GRIP1: variants seen among roughly 807,000 people sequenced by gnomAD.
GRIP1 encodes glutamate receptor interacting protein 1, also known as glutamate receptor-interacting protein 1.
A neutral mutation model predicts 129.9 loss-of-function variants in GRIP1; 45 were observed. That is an observed-to-expected ratio of 0.35 (90% CI 0.27 to 0.44). The LOEUF is 0.44. Ranked by LOEUF, GRIP1 falls within the 20% of genes least tolerant of loss-of-function variation. The pLI is 1.00. For missense variants in GRIP1, 1,196 were observed against 1,396.8 expected, an observed-to-expected ratio of 0.86 and a Z score of 2.29; for synonymous variants, 530 against 520.8, an observed-to-expected ratio of 1.02 and a Z score of -0.24.
intron 4 of GRIP1, among the ~76,000 whole-genome samples, chr12:66,534,462 T>C (rs978546997): frequency 6.6e-6 from 1 of 152,182 alleles, no homozygotes; most frequent in South Asian, 2.1e-4. Context: ...AATACTCAGA[T>C]CTTATGATGC....
intron 19 of GRIP1, among the ~76,000 whole-genome samples, chr12:66,383,026 G>T (rs1337278595): frequency 2.6e-5 from 4 of 152,284 alleles, no homozygotes; most frequent in South Asian, 2.1e-4. Flanking sequence ...GGTGGGCACA[G>T]TGGCTCATGC....
In GRIP1 at chr12:66,379,269, G is replaced by T. The variant is rs757302715; in HGVS notation, c.2621+11C>A. ...CATCTTGGATGAGGCAGCATTGGTT[G>T]AAAACCTTACCCACTGGCTGTGGAC... On this transcript the variant is annotated intron_variant, in intron 20 of 24. Coordinates refer to ENST00000359742, the MANE Select transcript of GRIP1 (RefSeq NM_001366722.1). 2.6e-5 allele frequency: 42 copies of T among 1,613,216 alleles called. No homozygotes were observed. The highest frequency in any genetic ancestry group is 3.6e-5 in the Non-Finnish European group (42 of 1,179,570).
rs778916076 is a variant in GRIP1, at chr12:66,529,917, G to A, written c.419-3C>T. Reference sequence around the variant, plus strand: ...AATAACACTTGATCCTTGCACAGCTGAATAAAGGAAAGAGAGAAGGAAATA... The same window carrying A: ...AATAACACTTGATCCTTGCACAGCTAAATAAAGGAAAGAGAGAAGGAAATA... On this transcript the variant is annotated splice_region_variant and splice_polypyrimidine_tract_variant and intron_variant, in intron 4 of 24. Coordinates refer to ENST00000359742, the MANE Select transcript of GRIP1 (RefSeq NM_001366722.1). 6.5e-7 allele frequency: 1 copy of A among 1,542,354 alleles called. No homozygotes were observed. Among genetic ancestry groups the A allele is most frequent in the Non-Finnish European group, 9.0e-7 (1 of 1,114,554 alleles).
At chr12:67,007,107 T>A (rs1189317160) in intron 1 of GRIP1, among the ~76,000 whole-genome samples, 1 of 152,212 alleles carries the variant, frequency 6.6e-6, no homozygotes, top group Non-Finnish European at 1.5e-5. Flanking sequence ...CCAGTCTAAA[T>A]GCTAACAACT....
At chr12:67,040,224 C>A (rs1048753569) in intron 1 of GRIP1, among the ~76,000 whole-genome samples, 1 of 129,430 alleles carries the variant, frequency 7.7e-6, no homozygotes, top group Non-Finnish European at 1.8e-5. Context: ...CCCCCACCCC[C>A]CCAGCAAAGT....
intron 1 of GRIP1, among the ~76,000 whole-genome samples, chr12:66,614,111 T>C (rs530708454): frequency 6.6e-6 from 1 of 152,196 alleles, no homozygotes; most frequent in African/African-American, 2.4e-5. Context: ...TCTTCCTTTT[T>C]CAGACCTATA....
At chr12:66,783,446 A>C (rs2038221379) in intron 1 of GRIP1, among the ~76,000 whole-genome samples, 1 of 152,204 alleles carries the variant, frequency 6.6e-6, no homozygotes, top group Non-Finnish European at 1.5e-5. Flanking sequence ...TCCATTTGAC[A>C]ATGGCTAACC....
intron 1 of GRIP1, among the ~76,000 whole-genome samples, chr12:66,609,537 T>G (rs1350135757): frequency 2.0e-5 from 3 of 152,156 alleles, no homozygotes; most frequent in Non-Finnish European, 4.4e-5. Context: ...GATGACCAAA[T>G]TATCTTCATT....
rs554957206 is a variant in GRIP1, at chr12:67,056,564, T to C, written c.58+12486A>G. On this transcript the variant is annotated intron_variant, in intron 1 of 1. Coordinates refer to the GRIP1 transcript ENST00000643019. ...CATACCAGCCTCAGAAGTCATACAG[T>C]GTCACCTCCAGCATTTTCTACCTGT... Among the ~76,000 whole-genome samples the C allele has an allele frequency of 5.6e-4, 85 of 152,260 alleles. 1 individual carries two copies. The highest frequency in any genetic ancestry group is 3.4e-3 in the Middle Eastern group (1 of 294).
At chr12:66,642,408 AG>A (rs2032014656) in intron 1 of GRIP1, among the ~76,000 whole-genome samples, 1 of 152,030 alleles carries the variant, frequency 6.6e-6, no homozygotes, top group African/African-American at 2.4e-5. Flanking sequence ...AAGGGGAAAG[AG>A]GGTGCATGTG....
At chr12:66,955,205 G>A (rs534089808) in intron 1 of GRIP1, among the ~76,000 whole-genome samples, 1 of 152,160 alleles carries the variant, frequency 6.6e-6, no homozygotes, top group African/African-American at 2.4e-5. Flanking sequence ...TCACCTTGAG[G>A]GCTTGTTAAA....
intron 13 of GRIP1, among the ~76,000 whole-genome samples, chr12:66,434,028 G>A (rs529951539): frequency 2.5e-4 from 38 of 152,290 alleles, no homozygotes; most frequent in Admixed American, 8.5e-4. Context: ...TCCCTTCTTT[G>A]TTTGGCCTTG....
intron 1 of GRIP1, among the ~76,000 whole-genome samples, chr12:66,861,020 G>A (rs1482098670): frequency 6.6e-6 from 1 of 151,998 alleles, no homozygotes; most frequent in African/African-American, 2.4e-5. Flanking sequence ...TATCAGTGTG[G>A]AGACTATTTG....
intron 20 of GRIP1, among the ~76,000 whole-genome samples, chr12:66,379,054 A>G (rs1592726623): frequency 1.3e-5 from 2 of 152,362 alleles, no homozygotes; most frequent in South Asian, 2.1e-4. Flanking sequence ...AGGTGCTACT[A>G]CTGTTTTCGT....
At chr12:66,760,670 T>G (rs1040465360) in intron 1 of GRIP1, among the ~76,000 whole-genome samples, 5 of 152,080 alleles carry the variant, frequency 3.3e-5, no homozygotes, top group Admixed American at 1.3e-4. Flanking sequence ...GAGATTTGGG[T>G]GGGGACACAG....
chr12:66,437,436 A>G (rs2058344015), intron 13 of GRIP1, among the ~76,000 whole-genome samples: 1 of 152,204 alleles, frequency 6.6e-6, no homozygotes, highest in African/African-American at 2.4e-5. Flanking sequence ...ATGGGAACAT[A>G]GCTTTTCTTG....
intron 1 of GRIP1, among the ~76,000 whole-genome samples, chr12:66,835,626 T>C (rs1243009923): frequency 1.3e-5 from 2 of 152,152 alleles, no homozygotes; most frequent in South Asian, 2.1e-4. Flanking sequence ...CTTAAATGCA[T>C]ATTACTAAGT....
intron 1 of GRIP1, among the ~76,000 whole-genome samples, chr12:66,925,569 C>T (rs951812330): frequency 2.0e-5 from 3 of 152,124 alleles, no homozygotes; most frequent in African/African-American, 7.2e-5. Context: ...AATTTCCAAA[C>T]CTGGAGAATA....
chr12:66,572,000 T>C (rs148920245), intron 2 of GRIP1, among the ~76,000 whole-genome samples: 2 of 152,260 alleles, frequency 1.3e-5, no homozygotes, highest in Non-Finnish European at 2.9e-5. Flanking sequence ...TACGTAAGGA[T>C]ACATATGTTT....
Sources: gnomAD v4.1 joint callset for allele counts (sites outside exome capture counted in the v4.1 genomes callset) on GRCh38, gnomAD v4.1.1 for gene constraint, MANE v1.5 for transcripts, NCBI Gene and HGNC (gene_info 2026-07-23, HGNC 2026-07-21) for gene names.